The following HSPA4L variants were observed in gnomAD, a reference collection of about 807,000 sequenced individuals.
HSPA4L encodes heat shock protein family A (Hsp70) member 4 like.
A neutral mutation model predicts 100.3 loss-of-function variants in HSPA4L; 48 were observed. That is an observed-to-expected ratio of 0.48 (90% CI 0.38 to 0.61). The LOEUF (loss-of-function observed/expected upper bound fraction) is 0.61, where lower values mean the gene tolerates loss of function less well. Ranked by LOEUF, HSPA4L falls within the 20% of genes least tolerant of loss-of-function variation. HSPA4L has a pLI of 0.00. For synonymous variants in HSPA4L, 319 were observed against 328.2 expected (o/e 0.97, Z 0.30); for missense variants, 886 against 988.6 (o/e 0.90, Z 1.39).
In HSPA4L at chr4:127,839,285, G is replaced by C. The variant is rs903962349; in HGVS notation, c.*6411G>C. ...ATTATATGAATCTACCCAGAATGTA[G>C]ATGTCAAAATGTAATTAGAGGCCCC... On this transcript the variant is annotated 3_prime_UTR_variant, in exon 19 of 19. Coordinates refer to ENST00000296464, the MANE Select transcript of HSPA4L (RefSeq NM_014278.4). 6 of 152,100 alleles carry C rather than the reference G, an allele frequency of 3.9e-5. No homozygotes were observed. The highest frequency in any genetic ancestry group is 1.5e-5 in the Non-Finnish European group (1 of 68,014). 9.4% of individuals were successfully genotyped at this position (152,100 alleles called of 1,614,324 possible).
At chr4:127,783,828 G>GAGT in intron 1 of HSPA4L, 1 of 672,366 alleles carries the variant, frequency 1.5e-6, no homozygotes, top group Non-Finnish European at 2.4e-6. Context: ...AGATGTTGAA[G>GAGT]AGTAGCTCAC....
At chr4:127,781,986 GGCCGGCCGGTC>G (rs1314121384), upstream of HSPA4L, 11 of 447,662 alleles carry the variant, frequency 2.5e-5, no homozygotes, top group Middle Eastern at 3.3e-4. Context: ...CAAAGCCCCG[GGCCGGCCGGTC>G]GCCTGCCTCT....
chr4:127,814,310 TTC>T lies in HSPA4L; in HGVS notation c.1578+2676_1578+2677del, dbSNP rs1375217532. Among the ~76,000 whole-genome samples, 5 of 152,352 alleles carry T rather than the reference TTC, an allele frequency of 3.3e-5. No homozygotes were observed. In the East Asian group the frequency reaches 9.6e-4, roughly 29 times the overall value. On this transcript the variant is annotated intron_variant, in intron 12 of 18. Coordinates refer to ENST00000296464, the MANE Select transcript of HSPA4L (RefSeq NM_014278.4). ...AGATAGGTGATGTGTTCCTTAATAT[TTC>T]TTTTACAATGTATGTAATCAAAAGA...
intron 2 of HSPA4L, 117 bp from the exon 3 acceptor site, chr4:127,795,651 G>A (rs1473097017): frequency 1.1e-5 from 10 of 924,798 alleles, no homozygotes; most frequent in Non-Finnish European, 1.5e-5. Flanking sequence ...ATGATTATTT[G>A]TAATCCTAAA....
chr4:127,829,716 A>G (rs913660389), intron 17 of HSPA4L, among the ~76,000 whole-genome samples: 2 of 152,074 alleles, frequency 1.3e-5, no homozygotes, highest in Non-Finnish European at 2.9e-5. Context: ...CTTTACAAAT[A>G]GAAACTCAAA....
chr4:127,804,192 AT>A, intron 8 of HSPA4L, 105 bp downstream of exon 8: 2 of 828,288 alleles, frequency 2.4e-6, no homozygotes, highest in Non-Finnish European at 3.8e-6. Context: ...TTTTAAAAAG[AT>A]TTATATTTCT....
intron 1 of HSPA4L, among the ~76,000 whole-genome samples, chr4:127,789,864 G>T (rs764032322): frequency 6.6e-6 from 1 of 152,150 alleles, no homozygotes; most frequent in Non-Finnish European, 1.5e-5. Context: ...GAGCAAATAT[G>T]TGTTTAATTT....
rs1734198287 is a variant in HSPA4L at position 127,835,976 on chromosome 4, G to A, written c.*3102G>A. The A allele has an allele frequency of 6.6e-6, 1 of 152,554 alleles. No homozygotes were observed. The highest frequency in any genetic ancestry group is 2.4e-5 in the African/African-American group (1 of 41,434). The allele number at this position is 152,554 out of a possible 1,614,324, so 9.5% of individuals were successfully genotyped here. ...GCACACCTGTAGTCCTAGCTACTCA[G>A]GAGGCTGAGGTGGAGGATCACTTAA... On this transcript the variant is annotated 3_prime_UTR_variant, in exon 19 of 19. Transcript: ENST00000296464.
chr4:127,803,514 C>T, intron 6 of HSPA4L, 115 bp from the exon 7 acceptor site: 1 of 1,021,466 alleles, frequency 9.8e-7, no homozygotes, highest in Non-Finnish European at 1.4e-6. Context: ...TGTGATTGGA[C>T]AAGTTTTTTT....
chr4:127,807,929 A>T (rs1733408100), intron 10 of HSPA4L, 67 bp from the exon 11 acceptor site: 1 of 1,432,560 alleles, frequency 7.0e-7, no homozygotes, highest in Non-Finnish European at 9.5e-7. Context: ...AATGAAATGG[A>T]TTCAGTAAAT....
intron 1 of HSPA4L, among the ~76,000 whole-genome samples, chr4:127,784,700 A>G (rs548713426): frequency 3.3e-5 from 5 of 152,346 alleles, no homozygotes; most frequent in East Asian, 1.9e-4. Context: ...CTCTTACACT[A>G]TGTATTACTT....
At chr4:127,789,793 C>T (rs909972519) in intron 1 of HSPA4L, among the ~76,000 whole-genome samples, 1 of 152,122 alleles carries the variant, frequency 6.6e-6, no homozygotes, top group African/African-American at 2.4e-5. Flanking sequence ...ACTCTTACAT[C>T]AGCCTAATAT....
At chr4:127,797,628 G>C (rs923236625) in intron 3 of HSPA4L, among the ~76,000 whole-genome samples, 1 of 140,846 alleles carries the variant, frequency 7.1e-6, no homozygotes, top group Non-Finnish European at 1.5e-5. Flanking sequence ...TTGAGACGGA[G>C]TCTTGCTCTG....
intron 16 of HSPA4L, among the ~76,000 whole-genome samples, chr4:127,826,628 T>C (rs1733957097): frequency 6.6e-6 from 1 of 152,198 alleles, no homozygotes; most frequent in South Asian, 2.1e-4. Flanking sequence ...CGTCTGGTGC[T>C]TGCTCTCTGT....
intron 14 of HSPA4L, among the ~76,000 whole-genome samples, chr4:127,820,785 C>G (rs1481089891): frequency 6.6e-6 from 1 of 152,052 alleles, no homozygotes; most frequent in Non-Finnish European, 1.5e-5. Context: ...GTATTGCCTC[C>G]TCTATAGAGA....
At chr4:127,809,265 T>A in intron 11 of HSPA4L, 2 of 1,399,894 alleles carry the variant, frequency 1.4e-6, no homozygotes, top group Non-Finnish European at 2.0e-6. Flanking sequence ...GCAGAACCAG[T>A]CTTCAACAAA....
intron 11 of HSPA4L, among the ~76,000 whole-genome samples, chr4:127,810,029 T>A (rs561062106): frequency 1.3e-5 from 2 of 152,274 alleles, no homozygotes; most frequent in South Asian, 4.1e-4. Flanking sequence ...AATAAATTAC[T>A]AACCAGTCTT....
chr4:127,782,657 C>G lies in HSPA4L; in HGVS notation c.107C>G (p.Pro36Arg). 1 of 1,600,926 alleles carries G rather than the reference C, an allele frequency of 6.2e-7. No homozygotes were observed. Among genetic ancestry groups the G allele is most frequent in the Non-Finnish European group, 8.5e-7 (1 of 1,170,780 alleles). The change falls in exon 1 of 19, where the codon CCG (proline) becomes CGG (arginine). Residue 36 changes from proline to arginine, a missense_variant and splice_region_variant. Physicochemically the swap from Pro to Arg is moderately radical, Grantham distance 103. Transcript: ENST00000296464. ...AATGAGTACAGCGACAGGTGTACCC[C>G]GTAAGTGCCTCTGCTGAGCATCACC... is the stretch of plus-strand genomic sequence containing the variant. ...IANEYSDRCT[P>R]ACISLGSRTR...
chr4:127,805,290 G>A, intron 9 of HSPA4L, 66 bp downstream of exon 9: 3 of 1,228,266 alleles, frequency 2.4e-6, no homozygotes, highest in South Asian at 3.1e-5. Flanking sequence ...ATCCAAAGGG[G>A]CCTTTTAATG....
Sources: gnomAD v4.1 joint callset for allele counts (sites outside exome capture counted in the v4.1 genomes callset) on GRCh38, gnomAD v4.1.1 for gene constraint, MANE v1.5 for transcripts, NCBI Gene and HGNC (gene_info 2026-07-23, HGNC 2026-07-21) for gene names.